DNAJB4: variants seen among roughly 807,000 people sequenced by gnomAD.
The protein encoded by DNAJB4 is dnaJ homolog subfamily B member 4.
DNAJB4 carries 10 observed loss-of-function variants against 26.6 expected under a neutral mutation model. That is an observed-to-expected ratio of 0.38 (90% CI 0.23 to 0.64). DNAJB4 has a LOEUF of 0.64. Ranked by LOEUF, DNAJB4 falls within the 30% of genes least tolerant of loss-of-function variation. The pLI, the probability that DNAJB4 is intolerant of heterozygous loss-of-function variation, is 0.58. For missense variants in DNAJB4, 328 were observed against 408.2 expected (o/e 0.80, Z 1.69); for synonymous variants, 136 against 134.8 (o/e 1.01, Z -0.06).
intron 1 of DNAJB4, among the ~76,000 whole-genome samples, chr1:77,993,830 T>G (rs1659998483): frequency 6.6e-6 from 1 of 152,228 alleles, no homozygotes; most frequent in South Asian, 2.1e-4. Context: ...GAGATATATT[T>G]TTCTCTAAAT....
chr1:78,012,193 C>G (rs143033279), intron 1 of DNAJB4, among the ~76,000 whole-genome samples: 5,274 of 107,118 alleles, frequency 0.049, 213 homozygotes, highest in East Asian at 0.25. Context: ...GACAGAGTCT[C>G]ACACTGTTGC....
chr1:77,982,914 C>G (rs112286003), intron 1 of DNAJB4, among the ~76,000 whole-genome samples: 1 of 152,194 alleles, frequency 6.6e-6, no homozygotes, highest in Non-Finnish European at 1.5e-5. Flanking sequence ...TGGGTTGCCC[C>G]TCCACACCTG....
chr1:78,003,396 GTGT>G (rs1399539410), upstream of DNAJB4, among the ~76,000 whole-genome samples: 1 of 152,152 alleles, frequency 6.6e-6, no homozygotes, highest in East Asian at 1.9e-4. Context: ...TAATGTCATG[GTGT>G]TGTTAAAGTA....
intron 1 of DNAJB4, among the ~76,000 whole-genome samples, chr1:78,009,200 T>C (rs576751074): frequency 6.6e-6 from 1 of 152,350 alleles, no homozygotes; most frequent in South Asian, 2.1e-4. Flanking sequence ...ATCTCATTAT[T>C]TGATAACTGA....
chr1:78,015,333 C>T (rs1194898368), intron 2 of DNAJB4, among the ~76,000 whole-genome samples: 3 of 152,134 alleles, frequency 2.0e-5, no homozygotes, highest in East Asian at 1.9e-4. Flanking sequence ...TCTCCCTCTT[C>T]TCCCATTCCA....
chr1:77,994,287 A>G (rs1342441477), intron 1 of DNAJB4, among the ~76,000 whole-genome samples: 3 of 151,364 alleles, frequency 2.0e-5, no homozygotes, highest in Non-Finnish European at 2.9e-5. Context: ...AGTCCCAGCT[A>G]TTTGGGAGGC....
In DNAJB4 at chr1:78,013,486, T is replaced by C; in HGVS notation, c.647T>C (p.Phe216Ser). ...KGWKEGTKIT[F>S]PREGDETPNS... is the part of the protein sequence containing the mutation. ...TGGAAAGAAGGCACCAAAATTACTT[T>C]TCCAAGAGAAGGAGATGAAACACCA... The change falls in exon 2 of 3, where the codon TTT becomes TCT. Residue 216 changes from phenylalanine (F) to serine (S), a missense_variant. Phe to Ser is a radical substitution (Grantham distance 155). Coordinates refer to ENST00000370763, the MANE Select transcript of DNAJB4 (RefSeq NM_007034.5). 6.2e-7 allele frequency: 1 copy of C among 1,614,140 alleles called. No homozygotes were observed. The highest frequency in any genetic ancestry group is 8.5e-7 in the Non-Finnish European group (1 of 1,180,036).
In DNAJB4 at chr1:77,988,457, T is replaced by C. The variant is rs1175090927; in HGVS notation, c.-32+8135T>C. ...ATGTAAGTCAAAGTCTTTAGTGGCCTACAAGCCTCTGTATTGCATCTGTTA... is the reference window on the plus strand; with the variant it reads ...ATGTAAGTCAAAGTCTTTAGTGGCCCACAAGCCTCTGTATTGCATCTGTTA... On this transcript the variant is annotated intron_variant, in intron 1 of 2. Coordinates refer to the DNAJB4 transcript ENST00000426517. Among the ~76,000 whole-genome samples, 4 of 152,348 alleles carry C rather than the reference T, an allele frequency of 2.6e-5. No individual in the cohort carries two copies. In the East Asian group the frequency reaches 7.7e-4, roughly 29 times the overall value.
chr1:78,005,037 G>A lies in DNAJB4; in HGVS notation c.-74G>A. On this transcript the variant is annotated 5_prime_UTR_variant, in exon 1 of 3. Transcript: ENST00000370763. Reference sequence around the variant, plus strand: ...TACCCAGCTTGGTTTATTTTTCTTAGAATCTGTTGCTAAGACTGGGGACGC... The same window carrying A: ...TACCCAGCTTGGTTTATTTTTCTTAAAATCTGTTGCTAAGACTGGGGACGC... The A allele has an allele frequency of 6.9e-7, 1 of 1,454,120 alleles. No homozygotes were observed. The highest frequency in any genetic ancestry group is 9.4e-7 in the Non-Finnish European group (1 of 1,063,002). The allele number at this position is 1,454,120 out of a possible 1,614,324, so 90.1% of individuals were successfully genotyped here. A position where few individuals can be genotyped will look rare whatever the true frequency, so the allele number is the denominator to read the frequency against.
chr1:77,981,351 C>G (rs1048992459), intron 1 of DNAJB4: 9 of 151,834 alleles, frequency 5.9e-5, no homozygotes, highest in Admixed American at 5.3e-4. Context: ...CGGACTCACC[C>G]TGTCACCCAG....
intron 1 of DNAJB4, among the ~76,000 whole-genome samples, chr1:78,011,561 T>C (rs1438753013): frequency 6.6e-6 from 1 of 151,792 alleles, no homozygotes; most frequent in East Asian, 1.9e-4. Context: ...CTTGGCTCAC[T>C]GTAACCTCTG....
intron 1 of DNAJB4, among the ~76,000 whole-genome samples, chr1:77,995,740 A>G (rs890196422): frequency 6.6e-6 from 1 of 152,328 alleles, no homozygotes; most frequent in South Asian, 2.1e-4. Context: ...AGTGTGAGCT[A>G]TCACCCTGGG....
chr1:77,985,036 T>C (rs903649912), intron 1 of DNAJB4, among the ~76,000 whole-genome samples: 3 of 152,220 alleles, frequency 2.0e-5, no homozygotes, highest in African/African-American at 7.2e-5. Context: ...GTGTTTGGGT[T>C]GGAGGTTTTC....
In DNAJB4 at chr1:78,005,232, C is replaced by T. The variant is rs201314004; in HGVS notation, c.122C>T (p.Ala41Val). 2 of 1,613,910 alleles carry T rather than the reference C, an allele frequency of 1.2e-6. No individual in the cohort carries two copies. The highest frequency in any genetic ancestry group is 1.7e-6 in the Non-Finnish European group (2 of 1,179,978). ...FHPDKNKSPQ[A>V]EEKFKEVAEA... ...CCGGACAAGAACAAATCTCCTCAGGCAGAGGAAAAATTTAAAGAGGTCGCA... is the reference window on the plus strand; with the variant it reads ...CCGGACAAGAACAAATCTCCTCAGGTAGAGGAAAAATTTAAAGAGGTCGCA... Residue 41 changes from alanine to valine, a missense_variant, in exon 1 of 3, where the codon GCA becomes GTA. By Grantham distance (64) the Ala-to-Val change is moderately conservative. Coordinates refer to ENST00000370763, the MANE Select transcript of DNAJB4 (RefSeq NM_007034.5).
intron 1 of DNAJB4, among the ~76,000 whole-genome samples, chr1:77,984,784 G>A (rs1241718439): frequency 6.6e-6 from 1 of 152,186 alleles, no homozygotes; most frequent in Non-Finnish European, 1.5e-5. Context: ...GATTATGAAT[G>A]TGGAGGGCCT....
At chr1:78,014,872 A>T (rs1332202576) in intron 2 of DNAJB4, among the ~76,000 whole-genome samples, 1 of 152,094 alleles carries the variant, frequency 6.6e-6, no homozygotes, top group African/African-American at 2.4e-5. Flanking sequence ...AAGTGCTGGG[A>T]CTATAGGCAT....
At position 78,016,117 on chromosome 1, in the gene DNAJB4, G is replaced by T. The variant is rs939211718; in HGVS notation, c.884G>T (p.Gly295Val). 1 of 1,614,094 alleles carries T rather than the reference G, an allele frequency of 6.2e-7. No individual in the cohort carries two copies. ...VKPGMRRRII[G>V]YGLPFPKNPD... ...CCCGGAATGAGGAGAAGAATTATTGGATATGGGCTGCCATTTCCAAAAAAT... is the reference window on the plus strand; with the variant it reads ...CCCGGAATGAGGAGAAGAATTATTGTATATGGGCTGCCATTTCCAAAAAAT... Residue 295 changes from glycine (G) to valine (V), a missense_variant, in exon 3 of 3, where the codon GGA (glycine) becomes GTA (valine). Transcript: ENST00000370763.
At chr1:77,997,803 T>G (rs1220543932) in intron 1 of DNAJB4, among the ~76,000 whole-genome samples, 1 of 152,176 alleles carries the variant, frequency 6.6e-6, no homozygotes, top group Non-Finnish European at 1.5e-5. Context: ...TCTTCTTTTC[T>G]TTTTGAGACA....
At chr1:78,015,058 T>C (rs1296920741) in intron 2 of DNAJB4, among the ~76,000 whole-genome samples, 1 of 152,198 alleles carries the variant, frequency 6.6e-6, no homozygotes, top group Non-Finnish European at 1.5e-5. Context: ...CTCTTTCTCT[T>C]ACAAAAGACC....
Sources: gnomAD v4.1 joint callset for allele counts (sites outside exome capture counted in the v4.1 genomes callset) on GRCh38, gnomAD v4.1.1 for gene constraint, MANE v1.5 for transcripts, NCBI Gene and HGNC (gene_info 2026-07-23, HGNC 2026-07-21) for gene names.